Variants in UCK2 observed in about 807,000 individuals in gnomAD.
UCK2 encodes the protein cytidine monophosphokinase 2.
UCK2 carries 6 observed loss-of-function variants against 30.8 expected under a neutral mutation model. The observed-to-expected ratio is 0.19, with a 90% CI of 0.11 to 0.38. The LOEUF (loss-of-function observed/expected upper bound fraction) is 0.38. Among genes scored for constraint, UCK2 ranks in the 10% least tolerant of loss-of-function variants. UCK2 has a pLI of 1.00. For missense variants in UCK2, 210 were observed against 339.8 expected, an observed-to-expected ratio of 0.62 and a Z score of 3.00; for synonymous variants, 125 against 133.6, an observed-to-expected ratio of 0.94 and a Z score of 0.45.
At chr1:165,882,006 G>C (rs527557920) in intron 1 of UCK2, among the ~76,000 whole-genome samples, 3 of 152,180 alleles carry the variant, frequency 2.0e-5, no homozygotes, top group Admixed American at 6.5e-5. Context: ...TTAAAACTGG[G>C]AGCTTCTGTT....
chr1:165,879,725 A>G lies in UCK2; in HGVS notation c.100-10479A>G, dbSNP rs548593196. 3.3e-5 allele frequency among the ~76,000 whole-genome samples: 5 copies of G among 152,050 alleles called. No homozygotes were observed. The East Asian group carries it at 9.7e-4, about 29-fold the overall frequency. ...GGAGTTTTGGGGCCCTGGAGATGGT[A>G]GTGATGAATGACGAATTCAGCAAAA... is the stretch of plus-strand genomic sequence containing the variant. On this transcript the variant is annotated intron_variant, in intron 1 of 6. Coordinates refer to ENST00000367879, the MANE Select transcript of UCK2 (RefSeq NM_012474.5).
In UCK2 at chr1:165,827,715, G is replaced by A. The variant is rs1350806527; in HGVS notation, c.-119G>A. On this transcript the variant is annotated 5_prime_UTR_variant, in exon 1 of 7. Transcript: ENST00000367879. ...GAGCGGCTCGCAGGCGAGCGACAGC[G>A]GCCTCAGCCCCGGCAGCGCCCAGCG... 7.7e-6 allele frequency: 7 copies of A among 910,308 alleles called. No individual in the cohort carries two copies. The highest frequency in any genetic ancestry group is 3.4e-5 in the East Asian group (1 of 29,486). The allele number at this position is 910,308 out of a possible 1,614,324, so 56.4% of individuals were successfully genotyped here.
intron 1 of UCK2, among the ~76,000 whole-genome samples, chr1:165,887,711 A>G (rs910874411): frequency 4.6e-5 from 7 of 152,112 alleles, no homozygotes; most frequent in African/African-American, 1.7e-4. Context: ...AGGAAAAGGA[A>G]ATTGAGGGCC....
rs1485224450 is a variant in UCK2, at chr1:165,827,757, G to A, written c.-77G>A. 8.1e-7 allele frequency: 1 copy of A among 1,236,570 alleles called. No individual in the cohort carries two copies. Among genetic ancestry groups the A allele is most frequent in the Non-Finnish European group, 1.0e-6 (1 of 968,724 alleles). The allele number at this position is 1,236,570 out of a possible 1,614,324, so 76.6% of individuals were successfully genotyped here. A position where few individuals can be genotyped will look rare whatever the true frequency, so the allele number is the denominator to read the frequency against. On this transcript the variant is annotated 5_prime_UTR_variant, in exon 1 of 7. Transcript: ENST00000367879. ...CGCCCAGCGGCGGCTGCGGAAAGCG[G>A]AGGGAGTCCGACGCGGGCGCGGGCG...
At position 165,876,880 on chromosome 1, in the gene UCK2, T is replaced by G. The variant is rs1655350497; in HGVS notation, c.100-13324T>G. ...ACTTTCACCTTTATATGGCTTTCCC[T>G]CATGTCTCCGTGTCTTCACCTTTTC... On this transcript the variant is annotated intron_variant, in intron 1 of 6. Coordinates refer to ENST00000367879, the MANE Select transcript of UCK2 (RefSeq NM_012474.5). Among the ~76,000 whole-genome samples the G allele has an allele frequency of 2.0e-5, 3 of 152,234 alleles. No individual in the cohort carries two copies. The South Asian group carries it at 6.2e-4, about 31-fold the overall frequency.
At chr1:165,869,659 C>CTTTTTTT (rs71100867) in intron 1 of UCK2, among the ~76,000 whole-genome samples, 1 of 73,984 alleles carries the variant, frequency 1.4e-5, no homozygotes, top group East Asian at 4.8e-4. Context: ...CATCATGGGC[C>CTTTTTTT]TTTTTTTTTT....
intron 6 of UCK2, among the ~76,000 whole-genome samples, chr1:165,907,380 T>A (rs1248511435): frequency 2.0e-5 from 3 of 152,218 alleles, no homozygotes; most frequent in Non-Finnish European, 2.9e-5. Context: ...CTGCAGACTT[T>A]GGCCCGAGTG....
Position 165,908,512 on chromosome 1 carries a change from A to C in UCK2, c.*689A>C, listed in dbSNP as rs1287489383. ...AGGGAAGAGGCCCACTGAGGAGAAC[A>C]AGTCTTCTGCATTTTCTTCCTGCCC... is the stretch of plus-strand genomic sequence containing the variant. On this transcript the variant is annotated 3_prime_UTR_variant, in exon 7 of 7. Coordinates refer to ENST00000367879, the MANE Select transcript of UCK2 (RefSeq NM_012474.5). 1 of 151,124 alleles carries C rather than the reference A, an allele frequency of 6.6e-6. No individual in the cohort carries two copies. The highest frequency in any genetic ancestry group is 1.5e-5 in the Non-Finnish European group (1 of 67,832). 9.4% of individuals were successfully genotyped at this position (151,124 alleles called of 1,614,324 possible).
In UCK2 at chr1:165,896,255, A is replaced by C. The variant is rs1647258944; in HGVS notation, c.422A>C (p.Tyr141Ser). The C allele has an allele frequency of 6.2e-7, 1 of 1,613,812 alleles. No individual in the cohort carries two copies. The change falls in exon 4 of 7, where the codon TAC (tyrosine) becomes TCC (serine). Residue 141 changes from tyrosine to serine, a missense_variant. This residue lies in a region of UCK2 where 47 missense variants were observed against 128.7 expected (regional missense o/e 0.37). Transcript: ENST00000367879. ...CTCTTTGAAGGGATCCTGGCCTTCT[A>C]CTCCCAGGAGGTACGAGACCTGTTC... is the stretch of plus-strand genomic sequence containing the variant. ...VVLFEGILAF[Y>S]SQEVRDLFQM...
intron 1 of UCK2, among the ~76,000 whole-genome samples, chr1:165,850,927 ATTTTTTTTTTTT>A (rs61491030): frequency 0.065 from 7,155 of 109,944 alleles, 360 homozygotes; most frequent in African/African-American, 0.15. Flanking sequence ...TGGCCTTTAA[ATTTTTTTTTTTT>A]TTTTTTTTTT....
At chr1:165,878,134 A>G (rs983527657) in intron 1 of UCK2, among the ~76,000 whole-genome samples, 5 of 152,148 alleles carry the variant, frequency 3.3e-5, no homozygotes, top group African/African-American at 9.7e-5. Context: ...TGCTCTGCCC[A>G]TTCATCCCTG....
intron 1 of UCK2, among the ~76,000 whole-genome samples, chr1:165,865,192 G>T (rs1180204096): frequency 6.6e-6 from 1 of 152,144 alleles, no homozygotes; most frequent in East Asian, 1.9e-4. Context: ...GTGCAATGAC[G>T]GGCATCTTCC....
In UCK2 at chr1:165,884,432, C is replaced by G. The variant is rs192215327; in HGVS notation, c.100-5772C>G. Among the ~76,000 whole-genome samples the G allele has an allele frequency of 1.4e-4, 21 of 152,334 alleles. No individual in the cohort carries two copies. The East Asian group carries it at 2.9e-3, about 21-fold the overall frequency. On this transcript the variant is annotated intron_variant, in intron 1 of 6. Transcript: ENST00000367879. ...TTGGGCAGCATGGTTATCTGGTCTT[C>G]TTCTGTAAGGATGACTGTGAGGTGT...
At chr1:165,870,782 A>C (rs185818623) in intron 1 of UCK2, among the ~76,000 whole-genome samples, 15 of 152,264 alleles carry the variant, frequency 9.9e-5, no homozygotes, top group Admixed American at 1.3e-4. Flanking sequence ...TATATGTGTT[A>C]TTATTTTACA....
chr1:165,907,002 A>T (rs1212100062), intron 6 of UCK2, among the ~76,000 whole-genome samples: 1 of 152,198 alleles, frequency 6.6e-6, no homozygotes, highest in Admixed American at 6.5e-5. Flanking sequence ...TTTGAGGCGT[A>T]CAGGCCCATT....
At chr1:165,880,854 A>G (rs897829116) in intron 1 of UCK2, among the ~76,000 whole-genome samples, 6 of 151,996 alleles carry the variant, frequency 3.9e-5, no homozygotes, top group African/African-American at 1.4e-4. Flanking sequence ...AGCAGTGTAG[A>G]TACCTCTCTG....
chr1:165,867,819 T>C (rs926539622), intron 1 of UCK2, among the ~76,000 whole-genome samples: 4 of 152,242 alleles, frequency 2.6e-5, no homozygotes, highest in Admixed American at 1.3e-4. Context: ...AAACTCTTGT[T>C]AATGTTGATA....
intron 1 of UCK2, among the ~76,000 whole-genome samples, chr1:165,880,566 G>GTGTGTGTGTGTGT (rs1557843943): frequency 5.2e-5 from 1 of 19,310 alleles, no homozygotes; most frequent in East Asian, 5.9e-4. Flanking sequence ...TTTTTTTGGG[G>GTGTGTGTGTGTGT]GTGTGTGTGT....
At chr1:165,903,350 C>T (rs888967667) in intron 5 of UCK2, 71 bp downstream of exon 5, 111 of 1,403,918 alleles carry the variant, frequency 7.9e-5, no homozygotes, top group Non-Finnish European at 1.1e-4. Context: ...CGAAGGTGTG[C>T]AAGTTTGTGG....
Sources: gnomAD v4.1 joint callset for allele counts (sites outside exome capture counted in the v4.1 genomes callset) on GRCh38, gnomAD v4.1.1 for gene constraint, gnomAD v4.1.1 regional missense constraint, MANE v1.5 for transcripts, NCBI Gene and HGNC (gene_info 2026-07-23, HGNC 2026-07-21) for gene names.